The following CFAP20DC variants were observed in gnomAD, a reference collection of about 807,000 sequenced individuals.
The protein encoded by CFAP20DC is CFAP20 domain containing, also known as protein CFAP20DC.
CFAP20DC carries 84 observed loss-of-function variants against 101.7 expected under a neutral mutation model. The observed-to-expected ratio is 0.83, with a 90% CI of 0.69 to 0.99. The LOEUF (loss-of-function observed/expected upper bound fraction) is 0.99, where lower values mean the gene tolerates loss of function less well. CFAP20DC is among the 50% of genes least tolerant of loss of function. The pLI is 0.00. For missense variants in CFAP20DC, 1,007 were observed against 970.3 expected (o/e 1.04, Z -0.50); for synonymous variants, 359 against 351.2 (o/e 1.02, Z -0.25).
At chr3:58,856,163 A>G (rs1477832406) in intron 12 of CFAP20DC, among the ~76,000 whole-genome samples, 1 of 151,908 alleles carries the variant, frequency 6.6e-6, no homozygotes, top group Non-Finnish European at 1.5e-5. Context: ...CCTCCAGTAC[A>G]CTAAGGATGA....
intron 15 of CFAP20DC, among the ~76,000 whole-genome samples, chr3:58,762,426 T>C (rs2069724625): frequency 1.3e-5 from 2 of 152,228 alleles, no homozygotes; most frequent in South Asian, 2.1e-4. Flanking sequence ...TGAGCCTGTG[T>C]GTGTCTCTGC....
intron 14 of CFAP20DC, among the ~76,000 whole-genome samples, chr3:58,820,077 T>C (rs947590361): frequency 2.6e-5 from 4 of 151,580 alleles, no homozygotes; most frequent in African/African-American, 9.7e-5. Context: ...AAAAAGCCTT[T>C]GACAAAATTC....
chr3:58,901,522 T>C (rs1031866634), intron 6 of CFAP20DC, among the ~76,000 whole-genome samples: 1 of 152,214 alleles, frequency 6.6e-6, no homozygotes, highest in South Asian at 2.1e-4. Context: ...GTTTAAGTAA[T>C]GATTAATGTA....
intron 15 of CFAP20DC, among the ~76,000 whole-genome samples, chr3:58,793,226 A>G (rs1187015514): frequency 6.6e-6 from 1 of 152,192 alleles, no homozygotes; most frequent in East Asian, 1.9e-4. Context: ...CCTTCTGACT[A>G]TGAGTAATCT....
chr3:58,786,544 C>T (rs2072353622), intron 15 of CFAP20DC, among the ~76,000 whole-genome samples: 1 of 152,038 alleles, frequency 6.6e-6, no homozygotes, highest in Non-Finnish European at 1.5e-5. Context: ...TCTGTCTTGT[C>T]CCAGACCTGA....
In CFAP20DC at chr3:59,013,481, G is replaced by C. The variant is rs760473709; in HGVS notation, c.278+26076C>G. Among the ~76,000 whole-genome samples, 7 of 152,096 alleles carry C rather than the reference G, an allele frequency of 4.6e-5. No homozygotes were observed. The South Asian group carries it at 8.3e-4, about 18-fold the overall frequency. ...AATTGAAAAATAAATTTTAAACACAGATAGCAATTATGGAAGTTTACCTAA... is the reference window on the plus strand; with the variant it reads ...AATTGAAAAATAAATTTTAAACACACATAGCAATTATGGAAGTTTACCTAA... On this transcript the variant is annotated intron_variant, in intron 4 of 16. Transcript: ENST00000482387.
intron 15 of CFAP20DC, among the ~76,000 whole-genome samples, chr3:58,769,834 G>C (rs549455373): frequency 1.3e-5 from 2 of 152,202 alleles, no homozygotes; most frequent in South Asian, 4.2e-4. Context: ...AGGTTTATAT[G>C]GAGGTATGCA....
chr3:58,968,627 GT>G (rs1456448022), intron 4 of CFAP20DC, among the ~76,000 whole-genome samples: 8 of 152,066 alleles, frequency 5.3e-5, no homozygotes, highest in African/African-American at 1.9e-4. Context: ...CAGATGCATT[GT>G]TTGTAAATAT....
At chr3:58,916,689 T>C (rs974457615) in intron 5 of CFAP20DC, among the ~76,000 whole-genome samples, 7 of 151,890 alleles carry the variant, frequency 4.6e-5, no homozygotes, top group African/African-American at 1.7e-4. Flanking sequence ...CAGATGGGGG[T>C]GGTTTCTAAA....
chr3:58,804,977 T>C (rs954307317), intron 15 of CFAP20DC, among the ~76,000 whole-genome samples: 1 of 152,132 alleles, frequency 6.6e-6, no homozygotes, highest in African/African-American at 2.4e-5. Context: ...AGATTACTAG[T>C]AAAGAACATT....
At chr3:58,760,609 G>T (rs565137286) in intron 15 of CFAP20DC, among the ~76,000 whole-genome samples, 335 of 152,070 alleles carry the variant, frequency 2.2e-3, no homozygotes, top group African/African-American at 3.5e-3. Context: ...CCCTGTCTTG[G>T]GCCAGTTTTC....
intron 12 of CFAP20DC, among the ~76,000 whole-genome samples, chr3:58,854,181 T>C (rs1251489785): frequency 6.6e-6 from 1 of 152,008 alleles, no homozygotes; most frequent in Non-Finnish European, 1.5e-5. Context: ...AGCATTCTGA[T>C]ACACCAACAA....
intron 7 of CFAP20DC, among the ~76,000 whole-genome samples, chr3:58,877,092 C>T (rs2080812999): frequency 6.6e-6 from 1 of 152,162 alleles, no homozygotes; most frequent in Non-Finnish European, 1.5e-5. Flanking sequence ...GGGAGTAATG[C>T]TATTAATACC....
rs141591825 is a variant in CFAP20DC at position 58,889,082 on chromosome 3, T to A, written c.551-4373A>T. On this transcript the variant is annotated intron_variant, in intron 6 of 16. Transcript: ENST00000482387. Reference sequence around the variant, plus strand: ...CAACATGTTATCAATATTAAAATTATTAACTTTCTCACAGAATATTTCACA... The same window carrying A: ...CAACATGTTATCAATATTAAAATTAATAACTTTCTCACAGAATATTTCACA... Among the ~76,000 whole-genome samples the A allele has an allele frequency of 4.3e-3, 657 of 152,300 alleles. 4 individuals are homozygous for A. The highest frequency in any genetic ancestry group is 0.015 in the African/African-American group (634 of 41,540).
At chr3:58,924,924 ATTTG>A (rs908320607) in intron 5 of CFAP20DC, among the ~76,000 whole-genome samples, 58 of 151,462 alleles carry the variant, frequency 3.8e-4, no homozygotes, top group African/African-American at 1.4e-3. Flanking sequence ...TAATGGGGTT[ATTTG>A]TTTTTTTCTT....
intron 14 of CFAP20DC, among the ~76,000 whole-genome samples, chr3:58,815,341 T>G (rs1210037300): frequency 6.8e-6 from 1 of 147,544 alleles, no homozygotes; most frequent in African/African-American, 2.5e-5. Flanking sequence ...TCCTTACACC[T>G]TATACAAAAA....
intron 4 of CFAP20DC, among the ~76,000 whole-genome samples, chr3:58,954,425 T>G (rs2090441578): frequency 6.6e-6 from 1 of 152,190 alleles, no homozygotes; most frequent in Admixed American, 6.5e-5. Context: ...TGGTTTTTAT[T>G]TTTCCTCATC....
At chr3:58,738,422 T>C (rs542814880), downstream of CFAP20DC, among the ~76,000 whole-genome samples, 6 of 152,298 alleles carry the variant, frequency 3.9e-5, no homozygotes, top group South Asian at 1.2e-3. The surrounding 1 kb of genome is among the most constrained non-coding windows in gnomAD (Gnocchi z 4.4). Flanking sequence ...CTCCCACTTA[T>C]AAGTTAGAAC....
intron 15 of CFAP20DC, among the ~76,000 whole-genome samples, chr3:58,761,528 C>G (rs1370882130): frequency 6.6e-6 from 1 of 152,130 alleles, no homozygotes; most frequent in Non-Finnish European, 1.5e-5. Flanking sequence ...TTTTGTGTCT[C>G]TATTTCCTTC....
Sources: allele counts gnomAD v4.1 joint callset (sites outside exome capture counted in the v4.1 genomes callset), GRCh38; gene constraint gnomAD v4.1.1; non-coding constraint Gnocchi (gnomAD v3.1); transcripts MANE v1.5; gene names NCBI Gene and HGNC (gene_info 2026-07-23, HGNC 2026-07-21).